Variants in RAPGEF2 observed in about 807,000 individuals in gnomAD.
RAPGEF2 encodes the protein PDZ domain containing guanine nucleotide exchange factor (GEF) 1.
In RAPGEF2, 54 loss-of-function variants were observed where a neutral mutation model predicts 186.7. The ratio of observed to expected loss-of-function variants is 0.29; its 90% CI spans 0.23 to 0.36. The LOEUF is 0.36. Ranked by LOEUF, RAPGEF2 falls within the 10% of genes least tolerant of loss-of-function variation. The probability of loss-of-function intolerance (pLI) is 1.00; values close to 1 mark genes in which losing one functional copy is unlikely to be tolerated. For synonymous variants in RAPGEF2, 712 were observed against 705.9 expected (o/e 1.01, Z -0.14); for missense variants, 1,532 against 2,045.0 (o/e 0.75, Z 4.84).
intron 2 of RAPGEF2, among the ~76,000 whole-genome samples, chr4:159,191,629 C>T (rs1007357616): frequency 6.6e-6 from 1 of 152,102 alleles, no homozygotes; most frequent in Admixed American, 6.5e-5. Context: ...GTCCCAGCCA[C>T]TTGGGAGGCT....
At chr4:159,295,088 C>T (rs895091261) in intron 7 of RAPGEF2, among the ~76,000 whole-genome samples, 3 of 152,102 alleles carry the variant, frequency 2.0e-5, no homozygotes, top group Admixed American at 6.5e-5. Context: ...GCGTATTGCC[C>T]ATTATACAAT....
intron 25 of RAPGEF2, among the ~76,000 whole-genome samples, chr4:159,347,703 GA>G (rs1299208186): frequency 6.6e-6 from 1 of 152,216 alleles, no homozygotes; most frequent in East Asian, 1.9e-4. Context: ...AGAATGGCGT[GA>G]ACCCGGGAGG....
chr4:159,230,735 A>G lies in RAPGEF2; in HGVS notation c.282-8074A>G, dbSNP rs576133188. Among the ~76,000 whole-genome samples the G allele has an allele frequency of 2.0e-5, 3 of 152,270 alleles. No homozygotes were observed. The East Asian group carries it at 5.8e-4, about 29-fold the overall frequency. ...AATGCTGATTTGTGTTTTTCACTCA[A>G]CTAGCTAGTGAGTGAGCCTGGTCAT... is the stretch of plus-strand genomic sequence containing the variant. On this transcript the variant is annotated intron_variant, in intron 4 of 29. Coordinates refer to ENST00000691494, the MANE Select transcript of RAPGEF2 (RefSeq NM_001394067.2).
chr4:159,352,613 C>G (rs560847746), intron 26 of RAPGEF2, 72 bp from the exon 27 acceptor site: 8 of 1,273,134 alleles, frequency 6.3e-6, no homozygotes, highest in Non-Finnish European at 9.0e-6. Context: ...ATTTTTGCTT[C>G]TATTTGGTAG....
At chr4:159,177,301 A>G (rs1434416826) in intron 1 of RAPGEF2, among the ~76,000 whole-genome samples, 1 of 151,562 alleles carries the variant, frequency 6.6e-6, no homozygotes, top group Non-Finnish European at 1.5e-5. Flanking sequence ...TCTCAGGAAT[A>G]TTTTAAATTT....
At chr4:159,221,191 A>G (rs763109002) in intron 4 of RAPGEF2, among the ~76,000 whole-genome samples, 2 of 152,230 alleles carry the variant, frequency 1.3e-5, no homozygotes, top group Non-Finnish European at 2.9e-5. Flanking sequence ...TTTCTCTCAC[A>G]GAAAAGGACC....
intron 4 of RAPGEF2, among the ~76,000 whole-genome samples, chr4:159,213,834 A>G (rs1361686016): frequency 6.7e-6 from 1 of 149,778 alleles, no homozygotes; most frequent in Non-Finnish European, 1.5e-5. Context: ...CTCCACTTCA[A>G]GCAGTTTCAG....
chr4:159,186,763 A>T (rs147812482), intron 2 of RAPGEF2, 51 bp downstream of exon 2: 109 of 1,041,202 alleles, frequency 1.0e-4, no homozygotes, highest in Non-Finnish European at 1.4e-4. Context: ...AATTTGAAGC[A>T]TGTAACAATT....
intron 1 of RAPGEF2, among the ~76,000 whole-genome samples, chr4:159,146,885 G>T (rs1437822108): frequency 2.0e-5 from 3 of 152,268 alleles, no homozygotes; most frequent in East Asian, 3.9e-4. Context: ...TAATATCTTT[G>T]CAGCCTTTCT....
chr4:159,220,077 A>G (rs1048494214), intron 4 of RAPGEF2, among the ~76,000 whole-genome samples: 1 of 152,212 alleles, frequency 6.6e-6, no homozygotes, highest in Admixed American at 6.5e-5. Context: ...TGGGAGTCCT[A>G]TGTGACCTAA....
chr4:159,352,576 C>CTT, intron 26 of RAPGEF2, 109 bp from the exon 27 acceptor site: 1 of 820,734 alleles, frequency 1.2e-6, no homozygotes, highest in South Asian at 1.7e-5. Context: ...TTTCTCCCCA[C>CTT]TTAAGAGATA....
In RAPGEF2 at chr4:159,351,040, T is replaced by C. The variant is rs549408053; in HGVS notation, c.3865+751T>C. On this transcript the variant is annotated intron_variant, in intron 26 of 29. Transcript: ENST00000691494. The stretch of plus-strand genomic sequence containing the variant: ...TGTTACATGGATGCATCTCAATTCT[T>C]TTCTCATCCTGTTGTTAGGTGGCAG... 3,298 of 1,525,880 alleles carry C rather than the reference T, an allele frequency of 2.2e-3. 5 individuals are homozygous for C. The highest frequency in any genetic ancestry group is 2.8e-3 in the Non-Finnish European group (3,195 of 1,138,086). The allele number at this position is 1,525,880 out of a possible 1,614,324, so 94.5% of individuals were successfully genotyped here.
At position 159,199,057 on chromosome 4, in the gene RAPGEF2, CAAA is replaced by C. The variant is rs749062756; in HGVS notation, c.197+5820_197+5822del. Among the ~76,000 whole-genome samples the C allele has an allele frequency of 6.0e-4, 48 of 80,320 alleles. 1 individual carries two copies. The highest frequency in any genetic ancestry group is 4.5e-3 in the Admixed American group (34 of 7,622). 52.7% of individuals were successfully genotyped at this position (80,320 alleles called of 152,430 possible). On this transcript the variant is annotated intron_variant, in intron 3 of 29. Transcript: ENST00000691494. ...CACCTGGGCAACTGAGACCCTGTCT[CAAA>C]AAAAAAAAAAAAAAAAAAGTGAAAC...
intron 3 of RAPGEF2, 128 bp from the exon 4 acceptor site, chr4:159,210,372 G>T: frequency 1.8e-6 from 1 of 560,838 alleles, no homozygotes; most frequent in East Asian, 2.9e-5. Context: ...GTATTTTTAT[G>T]AATGTGTTGT....
intron 7 of RAPGEF2, among the ~76,000 whole-genome samples, chr4:159,277,482 A>G (rs373208081): frequency 2.0e-5 from 3 of 152,258 alleles, no homozygotes; most frequent in East Asian, 3.9e-4. Context: ...CTAGTTCTGG[A>G]TCCCTGAGGA....
At chr4:159,267,949 A>G (rs1757625037) in intron 7 of RAPGEF2, 1 of 1,348,662 alleles carries the variant, frequency 7.4e-7, no homozygotes, top group Admixed American at 3.5e-5. Context: ...ATGGAGACGA[A>G]CACTGTTGTT....
Position 159,219,634 on chromosome 4 carries a change from C to T in RAPGEF2, c.281+9051C>T, listed in dbSNP as rs370667586. ...CCTCCCAAAGTGCTGGGATTACAGG[C>T]GTGAGCCACCACGCGCAGCCATAAC... On this transcript the variant is annotated intron_variant, in intron 4 of 29. Coordinates refer to ENST00000691494, the MANE Select transcript of RAPGEF2 (RefSeq NM_001394067.2). 2.6e-3 allele frequency among the ~76,000 whole-genome samples: 390 copies of T among 152,240 alleles called. 2 individuals are homozygous for T. Among genetic ancestry groups the T allele is most frequent in the African/African-American group, 8.8e-3 (364 of 41,544 alleles).
At chr4:159,287,469 G>A (rs968851123) in intron 7 of RAPGEF2, among the ~76,000 whole-genome samples, 7 of 152,120 alleles carry the variant, frequency 4.6e-5, no homozygotes, top group Admixed American at 3.9e-4. Flanking sequence ...GTCTTTGAAG[G>A]CCTTCAGTGT....
chr4:159,206,985 C>T (rs566791787), intron 3 of RAPGEF2, among the ~76,000 whole-genome samples: 68 of 152,300 alleles, frequency 4.5e-4, no homozygotes, highest in African/African-American at 1.4e-3. Context: ...TTTCCAAAAT[C>T]TGAATCCTTA....
Sources: gnomAD v4.1 joint callset for allele counts (sites outside exome capture counted in the v4.1 genomes callset) on GRCh38, gnomAD v4.1.1 for gene constraint, MANE v1.5 for transcripts, NCBI Gene and HGNC (gene_info 2026-07-23, HGNC 2026-07-21) for gene names.